Variants in LMBR1 observed in about 807,000 individuals in gnomAD.
LMBR1 encodes limb region 1 protein homolog.
A neutral mutation model predicts 73.9 loss-of-function variants in LMBR1; 52 were observed. That is an observed-to-expected ratio of 0.70 (90% CI 0.56 to 0.89). LMBR1 has a LOEUF of 0.89. Ranked by LOEUF, LMBR1 falls within the 40% of genes least tolerant of loss-of-function variation. LMBR1 has a pLI of 0.00. For synonymous variants in LMBR1, 215 were observed against 209.4 expected, an observed-to-expected ratio of 1.03 and a Z score of -0.23; for missense variants, 539 against 579.8, an observed-to-expected ratio of 0.93 and a Z score of 0.72.
At chr7:156,677,127 A>G (rs1804209775), downstream of LMBR1, 1 of 154,660 alleles carries the variant, frequency 6.5e-6, no homozygotes, top group African/African-American at 2.4e-5. Context: ...TCAACATCAA[A>G]AAAGTGCAAA....
intron 4 of LMBR1, among the ~76,000 whole-genome samples, chr7:156,807,789 T>A (rs1369544894): frequency 6.6e-6 from 1 of 152,178 alleles, no homozygotes; most frequent in South Asian, 2.1e-4. Flanking sequence ...TTTAGACACA[T>A]CCCGCAAATA....
intron 1 of LMBR1, among the ~76,000 whole-genome samples, chr7:156,856,486 C>A (rs1796987673): frequency 6.6e-6 from 1 of 151,920 alleles, no homozygotes; most frequent in South Asian, 2.1e-4. Context: ...TGTGGGAGGC[C>A]AAGGTGGGTG....
intron 5 of LMBR1, among the ~76,000 whole-genome samples, chr7:156,778,254 T>A (rs1448713055): frequency 1.3e-5 from 2 of 152,146 alleles, no homozygotes; most frequent in African/African-American, 4.8e-5. Context: ...TCGATCTACA[T>A]TACAAGAGTA....
intron 15 of LMBR1, among the ~76,000 whole-genome samples, chr7:156,720,242 C>T (rs1405487366): frequency 2.0e-5 from 3 of 152,068 alleles, no homozygotes; most frequent in East Asian, 1.9e-4. Flanking sequence ...CTACAATGAA[C>T]TCAAACAAAT....
chr7:156,887,015 G>A (rs1410038105), intron 1 of LMBR1, among the ~76,000 whole-genome samples: 1 of 152,118 alleles, frequency 6.6e-6, no homozygotes, highest in East Asian at 1.9e-4. Flanking sequence ...TTAGCTGGCA[G>A]CCTTAGGATT....
chr7:156,680,399 A>AGTGTGTGTGTGTGTGTGTGTGT lies in LMBR1; in HGVS notation c.*3678_*3679insACACACACACACACACACACAC, dbSNP rs1331225134. 36 of 136,662 alleles carry AGTGTGTGTGTGTGTGTGTGTGT rather than the reference A, an allele frequency of 2.6e-4. No individual in the cohort carries two copies. Among genetic ancestry groups the AGTGTGTGTGTGTGTGTGTGTGT allele is most frequent in the African/African-American group, 1.0e-3 (34 of 34,034 alleles). The allele number at this position is 136,662 out of a possible 1,614,324, so 8.5% of individuals were successfully genotyped here. A position where few individuals can be genotyped will look rare whatever the true frequency, so the allele number is the denominator to read the frequency against. ...GACAGAGAGAGAGAGAGAGAGAGAG[A>AGTGTGTGTGTGTGTGTGTGTGT]GAGAGTGTGTGTGTGTGTGTGTGTG... On this transcript the variant is annotated 3_prime_UTR_variant, in exon 17 of 17. Transcript: ENST00000353442.
intron 16 of LMBR1, among the ~76,000 whole-genome samples, chr7:156,684,407 G>C (rs1487941866): frequency 6.6e-6 from 1 of 152,098 alleles, no homozygotes; most frequent in Admixed American, 6.6e-5. Flanking sequence ...AGCACGTGAG[G>C]GTCCTAAGAG....
intron 15 of LMBR1, among the ~76,000 whole-genome samples, chr7:156,706,931 G>C (rs1249469466): frequency 1.3e-5 from 2 of 150,516 alleles, no homozygotes; most frequent in Non-Finnish European, 3.0e-5. Context: ...CAGTACAAAG[G>C]ATCAGGAAAA....
chr7:156,831,815 G>A (rs1004744966), intron 3 of LMBR1, among the ~76,000 whole-genome samples: 1 of 152,104 alleles, frequency 6.6e-6, no homozygotes, highest in African/African-American at 2.4e-5. Flanking sequence ...TATAAATTAC[G>A]GATCTACGAG....
At chr7:156,874,847 G>A (rs1031238054) in intron 1 of LMBR1, among the ~76,000 whole-genome samples, 2 of 152,124 alleles carry the variant, frequency 1.3e-5, no homozygotes, top group Admixed American at 6.5e-5. Flanking sequence ...AAATGAAAAG[G>A]AACCAGAAAA....
At chr7:156,845,765 C>T (rs1374688805) in intron 1 of LMBR1, among the ~76,000 whole-genome samples, 1 of 152,016 alleles carries the variant, frequency 6.6e-6, no homozygotes, top group East Asian at 1.9e-4. Flanking sequence ...TCCCCCACTT[C>T]CATTCGCCAT....
chr7:156,712,636 G>C (rs1228472973), intron 15 of LMBR1, among the ~76,000 whole-genome samples: 1 of 152,150 alleles, frequency 6.6e-6, no homozygotes, highest in Non-Finnish European at 1.5e-5. Flanking sequence ...TGGACAACTG[G>C]ATAAAGAAAA....
At chr7:156,733,253 A>C (rs1401993343) in intron 10 of LMBR1, among the ~76,000 whole-genome samples, 1 of 152,210 alleles carries the variant, frequency 6.6e-6, no homozygotes, top group East Asian at 1.9e-4. Context: ...TTCTAATCAA[A>C]AGTTTCCAGG....
chr7:156,877,655 G>A (rs1800388616), intron 1 of LMBR1, among the ~76,000 whole-genome samples: 1 of 152,054 alleles, frequency 6.6e-6, no homozygotes, highest in Non-Finnish European at 1.5e-5. Context: ...AGGCCGAGGT[G>A]GGCGGATCAC....
chr7:156,687,661 G>T (rs1585187710), intron 16 of LMBR1, among the ~76,000 whole-genome samples: 1 of 152,086 alleles, frequency 6.6e-6, no homozygotes, highest in South Asian at 2.1e-4. Context: ...TAACTAAAAG[G>T]TATTATTACC....
At chr7:156,709,550 C>T (rs1027289968) in intron 15 of LMBR1, among the ~76,000 whole-genome samples, 5 of 152,154 alleles carry the variant, frequency 3.3e-5, no homozygotes, top group Admixed American at 3.3e-4. Context: ...GCAGGCATTC[C>T]CCCGCACCAT....
At chr7:156,740,422 T>A (rs575744104) in intron 9 of LMBR1, among the ~76,000 whole-genome samples, 1 of 152,228 alleles carries the variant, frequency 6.6e-6, no homozygotes, top group South Asian at 2.1e-4. Flanking sequence ...CCAAGTAGAT[T>A]TAACTCAAAG....
intron 15 of LMBR1, among the ~76,000 whole-genome samples, chr7:156,707,088 G>C (rs1811102834): frequency 6.6e-6 from 1 of 152,006 alleles, no homozygotes; most frequent in Non-Finnish European, 1.5e-5. Context: ...AAGATCATCA[G>C]AGAATATTAT....
chr7:156,731,494 A>C (rs1816824034), intron 10 of LMBR1, among the ~76,000 whole-genome samples: 1 of 152,240 alleles, frequency 6.6e-6, no homozygotes, highest in South Asian at 2.1e-4. Flanking sequence ...AAACAAAGAC[A>C]AAAGGAAAAT....
Sources: allele counts gnomAD v4.1 joint callset (sites outside exome capture counted in the v4.1 genomes callset), GRCh38; gene constraint gnomAD v4.1.1; transcripts MANE v1.5; gene names NCBI Gene and HGNC (gene_info 2026-07-23, HGNC 2026-07-21).